Variants in CNBD1 observed in about 807,000 individuals in gnomAD.
CNBD1 encodes the protein cyclic nucleotide binding domain containing 1, also known as cyclic nucleotide-binding domain-containing protein 1.
In CNBD1, 71 loss-of-function variants were observed where a neutral mutation model predicts 54.4. The ratio of observed to expected loss-of-function variants is 1.30; its 90% CI spans 1.08 to 1.59. The LOEUF (loss-of-function observed/expected upper bound fraction) is 1.59, where lower values mean the gene tolerates loss of function less well. Among genes scored for constraint, CNBD1 ranks in the 40% most tolerant of loss-of-function variants. The pLI is 0.00. For missense variants in CNBD1, 659 were observed against 518.0 expected, an observed-to-expected ratio of 1.27 and a Z score of -2.64; for synonymous variants, 182 against 170.7, an observed-to-expected ratio of 1.07 and a Z score of -0.51.
intron 3 of CNBD1, among the ~76,000 whole-genome samples, chr8:86,937,987 A>G (rs1465492488): frequency 6.6e-6 from 1 of 152,160 alleles, no homozygotes; most frequent in African/African-American, 2.4e-5. Flanking sequence ...ATTCCAAACC[A>G]TATCTTTGTG....
At chr8:87,300,049 G>A (rs1204934522) in intron 8 of CNBD1, among the ~76,000 whole-genome samples, 1 of 152,062 alleles carries the variant, frequency 6.6e-6, no homozygotes, top group African/African-American at 2.4e-5. Context: ...TAGCCCATTG[G>A]ACACTTGGCT....
rs1018908827 is a variant in CNBD1 at position 87,362,214 on chromosome 8, A to C, written c.1303+8428A>C. On this transcript the variant is annotated intron_variant, in intron 10 of 10. Transcript: ENST00000518476. ...AGTCTCCATACATCATGAAGACCAT[A>C]TTTTGGTTTTGGTGAAGATGATATT... is the stretch of plus-strand genomic sequence containing the variant. Among the ~76,000 whole-genome samples, 58 of 152,064 alleles carry C rather than the reference A, an allele frequency of 3.8e-4. 1 individual carries two copies. Among genetic ancestry groups the C allele is most frequent in the African/African-American group, 1.3e-3 (52 of 41,434 alleles).
intron 3 of CNBD1, among the ~76,000 whole-genome samples, chr8:86,919,698 G>C (rs1193980001): frequency 1.3e-5 from 2 of 152,070 alleles, no homozygotes; most frequent in African/African-American, 4.8e-5. Flanking sequence ...TTTAACAATG[G>C]GAATTTATTA....
downstream of CNBD1, among the ~76,000 whole-genome samples, chr8:87,384,160 G>A (rs1371250187): frequency 6.6e-6 from 1 of 151,938 alleles, no homozygotes; most frequent in Non-Finnish European, 1.5e-5. Flanking sequence ...TTTTAATTAT[G>A]TGTTATTTCC....
At chr8:87,271,374 G>C (rs10105074) in intron 6 of CNBD1, among the ~76,000 whole-genome samples, 42,800 of 151,534 alleles carry the variant, frequency 0.28, 6,496 homozygotes, top group African/African-American at 0.39. Flanking sequence ...TTTTGAAACA[G>C]GTATTTACTT....
chr8:87,033,672 G>GA (rs1210675023), intron 4 of CNBD1, among the ~76,000 whole-genome samples: 1 of 152,064 alleles, frequency 6.6e-6, no homozygotes, highest in Non-Finnish European at 1.5e-5. Flanking sequence ...TATACTTTCT[G>GA]ACATTTTCTT....
chr8:87,336,755 A>T (rs1809951797), intron 8 of CNBD1, among the ~76,000 whole-genome samples: 1 of 152,002 alleles, frequency 6.6e-6, no homozygotes, highest in South Asian at 2.1e-4. Flanking sequence ...AGGTATTATG[A>T]TCATTTAGAG....
At chr8:87,374,692 A>G (rs1234126338) in intron 10 of CNBD1, among the ~76,000 whole-genome samples, 2 of 151,812 alleles carry the variant, frequency 1.3e-5, no homozygotes, top group Non-Finnish European at 2.9e-5. Context: ...CCTGGCCATG[A>G]AATATATGAT....
Position 87,102,596 on chromosome 8 carries a change from G to A in CNBD1, c.432-103397G>A, listed in dbSNP as rs557694016. Among the ~76,000 whole-genome samples, 23 of 151,974 alleles carry A rather than the reference G, an allele frequency of 1.5e-4. No homozygotes were observed. In the South Asian group the frequency reaches 4.8e-3, roughly 31 times the overall value. ...ATTTGAAAGACATTTGGAATGTGGA[G>A]GCAGCAGGACTTTTTTTTGTTGTTT... On this transcript the variant is annotated intron_variant, in intron 4 of 10. Transcript: ENST00000518476.
intron 8 of CNBD1, among the ~76,000 whole-genome samples, chr8:87,314,902 C>T (rs748876888): frequency 6.6e-6 from 1 of 151,968 alleles, no homozygotes; most frequent in South Asian, 2.1e-4. Flanking sequence ...AGAACTTGTT[C>T]TTGGATAGGA....
rs34163158 is a variant in CNBD1 at position 87,396,891 on chromosome 8, CT to C, written c.214-31642del. ...TTTCTAATGTGTTATAGTTTGTTTT[CT>C]TTTTTTTTTTTTCAAGTAGTTCTTT... On this transcript the variant is annotated intron_variant, in intron 2 of 7. Transcript: ENST00000521593. Among the ~76,000 whole-genome samples the C allele has an allele frequency of 2.1e-3, 296 of 139,384 alleles. 1 individual carries two copies. The highest frequency in any genetic ancestry group is 3.3e-3 in the Non-Finnish European group (213 of 64,562). The allele number at this position is 139,384 out of a possible 152,430, so 91.4% of individuals were successfully genotyped here. A position where few individuals can be genotyped will look rare whatever the true frequency, so the allele number is the denominator to read the frequency against.
intron 10 of CNBD1, among the ~76,000 whole-genome samples, chr8:87,374,318 T>C (rs1027594260): frequency 6.6e-6 from 1 of 151,840 alleles, no homozygotes; most frequent in Non-Finnish European, 1.5e-5. Flanking sequence ...TTTCACTCAA[T>C]TTTTAGGAAG....
intron 6 of CNBD1, among the ~76,000 whole-genome samples, chr8:87,252,352 TTTAATA>T (rs1254958764): frequency 6.6e-6 from 1 of 152,188 alleles, no homozygotes; most frequent in East Asian, 1.9e-4. Flanking sequence ...CAGTGAGAGT[TTTAATA>T]TTATTCAAAA....
chr8:87,335,788 T>G (rs1407790623), intron 8 of CNBD1, among the ~76,000 whole-genome samples: 1 of 152,192 alleles, frequency 6.6e-6, no homozygotes. Context: ...AGATGCAGTT[T>G]CTTCATAGTG....
At chr8:87,158,559 T>C (rs534623746) in intron 4 of CNBD1, among the ~76,000 whole-genome samples, 10 of 152,342 alleles carry the variant, frequency 6.6e-5, no homozygotes, top group African/African-American at 2.4e-4. Flanking sequence ...ATTTGAACTT[T>C]GTCTAGTGCT....
chr8:87,163,813 T>A lies in CNBD1; in HGVS notation c.432-42180T>A, dbSNP rs1251247452. Among the ~76,000 whole-genome samples, 1 of 151,944 alleles carries A rather than the reference T, an allele frequency of 6.6e-6. No individual in the cohort carries two copies. Among genetic ancestry groups the A allele is most frequent in the African/African-American group, 2.4e-5 (1 of 41,440 alleles). On this transcript the variant is annotated intron_variant, in intron 4 of 10. Coordinates refer to ENST00000518476, the MANE Select transcript of CNBD1 (RefSeq NM_173538.3). The surrounding 1 kb of genome is among the most constrained non-coding windows in gnomAD (Gnocchi z 4.5). ...CTTTAATTTCTTTTTCTTGTATAAT[T>A]GCTCTCATTAAAACTTTTACTATTA...
chr8:87,390,946 A>G (rs992359432), intron 2 of CNBD1, among the ~76,000 whole-genome samples: 2 of 152,166 alleles, frequency 1.3e-5, no homozygotes, highest in Non-Finnish European at 2.9e-5. Flanking sequence ...TTGTAGGGAG[A>G]TGGATGAAGC....
chr8:87,272,247 T>C (rs1808383021), intron 6 of CNBD1, among the ~76,000 whole-genome samples: 1 of 151,984 alleles, frequency 6.6e-6, no homozygotes, highest in Non-Finnish European at 1.5e-5. Flanking sequence ...AGAATGATCC[T>C]AGATAAAAAA....
At chr8:87,313,289 G>A (rs1324056191) in intron 8 of CNBD1, among the ~76,000 whole-genome samples, 1 of 152,000 alleles carries the variant, frequency 6.6e-6, no homozygotes, top group Non-Finnish European at 1.5e-5. Context: ...ATTTGTCATA[G>A]AATGTAAAAT....
Sources: allele counts gnomAD v4.1 joint callset (sites outside exome capture counted in the v4.1 genomes callset), GRCh38; gene constraint gnomAD v4.1.1; non-coding constraint Gnocchi (gnomAD v3.1); transcripts MANE v1.5; gene names NCBI Gene and HGNC (gene_info 2026-07-23, HGNC 2026-07-21).